PTPRD: variants seen among roughly 807,000 people sequenced by gnomAD.
The protein encoded by PTPRD is receptor-type tyrosine-protein phosphatase delta.
A neutral mutation model predicts 214.5 loss-of-function variants in PTPRD; 34 were observed. The observed-to-expected ratio is 0.16, with a 90% CI of 0.12 to 0.21. The LOEUF is 0.21. Ranked by LOEUF, PTPRD falls within the 10% of genes least tolerant of loss-of-function variation. PTPRD has a pLI of 1.00. For synonymous variants in PTPRD, 1,128 were observed against 845.7 expected, an observed-to-expected ratio of 1.33 and a Z score of -5.79; for missense variants, 2,545 against 2,398.7, an observed-to-expected ratio of 1.06 and a Z score of -1.27.
chr9:9,013,481 G>C (rs1329342061), intron 11 of PTPRD, among the ~76,000 whole-genome samples: 1 of 152,124 alleles, frequency 6.6e-6, no homozygotes, highest in African/African-American at 2.4e-5. Flanking sequence ...TTAACAAATA[G>C]TGTTTTTTTG....
At chr9:9,506,034 G>C (rs1371227615) in intron 8 of PTPRD, among the ~76,000 whole-genome samples, 2 of 151,312 alleles carry the variant, frequency 1.3e-5, no homozygotes, top group Non-Finnish European at 3.0e-5. Flanking sequence ...AGACATAGGG[G>C]CTTAAATGAT....
chr9:10,384,831 G>A (rs1395012754), intron 2 of PTPRD, among the ~76,000 whole-genome samples: 1 of 150,882 alleles, frequency 6.6e-6, no homozygotes, highest in East Asian at 2.0e-4. Flanking sequence ...ATATTGCGAA[G>A]GATAATATGA....
At chr9:8,711,923 T>C (rs1421573078) in intron 12 of PTPRD, among the ~76,000 whole-genome samples, 1 of 152,226 alleles carries the variant, frequency 6.6e-6, no homozygotes, top group Non-Finnish European at 1.5e-5. Flanking sequence ...CTTAAATGCA[T>C]TCTGCTCAGT....
At chr9:8,929,421 G>C (rs889298106) in intron 11 of PTPRD, among the ~76,000 whole-genome samples, 1 of 151,932 alleles carries the variant, frequency 6.6e-6, no homozygotes, top group Admixed American at 6.6e-5. Context: ...TTTATCAAAG[G>C]CCTTTTCTGC....
chr9:8,574,122 C>T (rs74844139), intron 14 of PTPRD, among the ~76,000 whole-genome samples: 2 of 151,808 alleles, frequency 1.3e-5, no homozygotes, highest in African/African-American at 2.4e-5. Context: ...AGATACTGCA[C>T]GGAACATGCT....
At chr9:9,330,369 T>C (rs559716695) in intron 9 of PTPRD, among the ~76,000 whole-genome samples, 6 of 152,270 alleles carry the variant, frequency 3.9e-5, no homozygotes, top group Admixed American at 2.6e-4. Context: ...TCTCTCCACC[T>C]GCCGCAGACT....
intron 8 of PTPRD, among the ~76,000 whole-genome samples, chr9:9,446,345 G>A (rs956094698): frequency 6.6e-6 from 1 of 152,132 alleles, no homozygotes; most frequent in African/African-American, 2.4e-5. Context: ...AGGAAGAGAG[G>A]ATACCTTATG....
chr9:9,484,675 C>T (rs888315159), intron 8 of PTPRD, among the ~76,000 whole-genome samples: 1 of 151,984 alleles, frequency 6.6e-6, no homozygotes, highest in South Asian at 2.1e-4. Flanking sequence ...TGTTATTGGG[C>T]CCATTTTTAG....
At chr9:10,564,230 G>C (rs1373285871) in intron 2 of PTPRD, among the ~76,000 whole-genome samples, 2 of 114,274 alleles carry the variant, frequency 1.8e-5, no homozygotes, top group African/African-American at 7.0e-5. Flanking sequence ...GCCTAGGCTT[G>C]TCTGGAATTC....
At chr9:8,896,902 C>T (rs2098619153) in intron 11 of PTPRD, among the ~76,000 whole-genome samples, 1 of 152,036 alleles carries the variant, frequency 6.6e-6, no homozygotes, top group South Asian at 2.1e-4. Context: ...AAAAGCATAC[C>T]TACAGTTGCT....
At chr9:8,914,233 T>G (rs1016351667) in intron 11 of PTPRD, among the ~76,000 whole-genome samples, 2 of 152,190 alleles carry the variant, frequency 1.3e-5, no homozygotes, top group African/African-American at 2.4e-5. Flanking sequence ...ATTTTAATTA[T>G]TCTTTAATTT....
At chr9:9,312,084 C>G (rs1239710321) in intron 9 of PTPRD, among the ~76,000 whole-genome samples, 2 of 152,234 alleles carry the variant, frequency 1.3e-5, no homozygotes, top group South Asian at 2.1e-4. Flanking sequence ...TTTAAAATCC[C>G]TCACATTTAG....
At chr9:8,385,371 A>G (rs900854130) in intron 37 of PTPRD, among the ~76,000 whole-genome samples, 2 of 152,136 alleles carry the variant, frequency 1.3e-5, no homozygotes, top group Non-Finnish European at 2.9e-5. Flanking sequence ...TACAAAATCT[A>G]AAAATTAGCT....
intron 14 of PTPRD, among the ~76,000 whole-genome samples, chr9:8,588,581 G>C (rs1204476168): frequency 6.6e-6 from 1 of 152,070 alleles, no homozygotes; most frequent in African/African-American, 2.4e-5. Context: ...ATAACTACTA[G>C]CAATGTGATA....
rs754666458 is a variant in PTPRD, at chr9:8,631,960, C to G, written c.352+1357G>C. On this transcript the variant is annotated intron_variant, in intron 14 of 45. Transcript: ENST00000381196. ...AGCCAGAAATGTAGCTCAAATCTCA[C>G]TTGTCTGTTTTAAAGCAGCATCTGT... 3.3e-5 allele frequency among the ~76,000 whole-genome samples: 5 copies of G among 151,882 alleles called. No homozygotes were observed. In the Admixed American group the frequency reaches 3.3e-4, roughly 10 times the overall value.
chr9:8,740,035 A>G (rs1598422546), intron 11 of PTPRD, among the ~76,000 whole-genome samples: 1 of 152,266 alleles, frequency 6.6e-6, no homozygotes, highest in South Asian at 2.1e-4. Flanking sequence ...AACAGTGTGA[A>G]AGCAGACTAA....
intron 2 of PTPRD, among the ~76,000 whole-genome samples, chr9:10,580,006 T>C (rs929208185): frequency 6.6e-6 from 1 of 152,170 alleles, no homozygotes; most frequent in African/African-American, 2.4e-5. Flanking sequence ...TAGATATTAG[T>C]TTTCACTCAG....
At chr9:9,049,950 A>T (rs997128958) in intron 10 of PTPRD, among the ~76,000 whole-genome samples, 2 of 152,180 alleles carry the variant, frequency 1.3e-5, no homozygotes, top group Non-Finnish European at 2.9e-5. Context: ...GTCACTTCCC[A>T]TTTTGATCTA....
chr9:10,231,989 A>AGAGAGAGAGTGT (rs1245284728), intron 3 of PTPRD, among the ~76,000 whole-genome samples: 41 of 92,490 alleles, frequency 4.4e-4, no homozygotes, highest in African/African-American at 2.0e-3. Flanking sequence ...AGAGAGAGAG[A>AGAGAGAGAGTGT]GTGTGTGTGT....
Sources: allele counts gnomAD v4.1 joint callset (sites outside exome capture counted in the v4.1 genomes callset), GRCh38; gene constraint gnomAD v4.1.1; transcripts MANE v1.5; gene names NCBI Gene and HGNC (gene_info 2026-07-23, HGNC 2026-07-21).